ASAP1: variants seen among roughly 807,000 people sequenced by gnomAD.
The protein encoded by ASAP1 is ArfGAP with SH3 domain, ankyrin repeat and PH domain 1.
ASAP1 carries 43 observed loss-of-function variants against 145.2 expected under a neutral mutation model. The observed-to-expected ratio is 0.30, with a 90% CI of 0.23 to 0.38. The LOEUF (loss-of-function observed/expected upper bound fraction) is 0.38. Among genes scored for constraint, ASAP1 ranks in the 10% least tolerant of loss-of-function variants. The pLI, the probability that ASAP1 is intolerant of heterozygous loss-of-function variation, is 1.00. For synonymous variants in ASAP1, 546 were observed against 515.5 expected, an observed-to-expected ratio of 1.06 and a Z score of -0.80; for missense variants, 1,018 against 1,355.3, an observed-to-expected ratio of 0.75 and a Z score of 3.91.
At chr8:130,292,597 C>T (rs1055167022) in intron 3 of ASAP1, among the ~76,000 whole-genome samples, 8 of 152,198 alleles carry the variant, frequency 5.3e-5, no homozygotes, top group South Asian at 2.1e-4. Context: ...TATTGCAGAA[C>T]GCCATTCCTG....
chr8:130,258,831 T>C (rs79146269), intron 3 of ASAP1, among the ~76,000 whole-genome samples: 4,008 of 152,298 alleles, frequency 0.026, 63 homozygotes, highest in Middle Eastern at 0.044. Context: ...TACGTGGTGG[T>C]TGACTGATTT....
chr8:130,417,277 A>G (rs943314921), intron 1 of ASAP1, among the ~76,000 whole-genome samples: 4 of 152,356 alleles, frequency 2.6e-5, no homozygotes, highest in South Asian at 2.1e-4. Flanking sequence ...GCATGCACAC[A>G]TACACACATA....
At chr8:130,434,866 C>T (rs2138806189) in intron 1 of ASAP1, among the ~76,000 whole-genome samples, 1 of 152,294 alleles carries the variant, frequency 6.6e-6, no homozygotes, top group African/African-American at 2.4e-5. Context: ...TGCCCAAATA[C>T]TGACCATACA....
At chr8:130,141,644 C>T (rs1020021313) in intron 13 of ASAP1, among the ~76,000 whole-genome samples, 18 of 152,132 alleles carry the variant, frequency 1.2e-4, no homozygotes, top group African/African-American at 3.9e-4. Context: ...ACCTCCCAGG[C>T]GAAGTGATTG....
chr8:130,104,817 T>C (rs1052537212), intron 24 of ASAP1, among the ~76,000 whole-genome samples: 14 of 152,148 alleles, frequency 9.2e-5, no homozygotes, highest in African/African-American at 3.4e-4. Flanking sequence ...AAACCAAAAG[T>C]CTCTTACACT....
intron 1 of ASAP1, among the ~76,000 whole-genome samples, 171 bp downstream of exon 1, chr8:130,443,289 G>C (rs901108856): frequency 3.3e-5 from 5 of 151,784 alleles, no homozygotes; most frequent in Non-Finnish European, 5.9e-5. Flanking sequence ...CCAGCCCAGG[G>C]CCGGCGCCCT....
At chr8:130,237,709 A>G (rs993172370) in intron 3 of ASAP1, among the ~76,000 whole-genome samples, 1 of 152,040 alleles carries the variant, frequency 6.6e-6, no homozygotes. Flanking sequence ...TACAGGATAT[A>G]CCATTGTGTT....
chr8:130,342,487 G>A (rs2137931947), intron 3 of ASAP1, among the ~76,000 whole-genome samples: 1 of 152,224 alleles, frequency 6.6e-6, no homozygotes, highest in East Asian at 1.9e-4. Context: ...AATCCACAGG[G>A]AAAGATGCTC....
At chr8:130,231,104 G>A (rs563623272) in intron 4 of ASAP1, among the ~76,000 whole-genome samples, 3 of 152,206 alleles carry the variant, frequency 2.0e-5, no homozygotes, top group Admixed American at 6.5e-5. Flanking sequence ...AGATTTCCTT[G>A]TGCACTATGA....
intron 24 of ASAP1, among the ~76,000 whole-genome samples, chr8:130,110,023 T>G (rs1250020517): frequency 1.3e-5 from 2 of 152,202 alleles, no homozygotes; most frequent in Admixed American, 1.3e-4. Context: ...TGTGGCCAAG[T>G]CTCAAACACT....
chr8:130,079,788 T>C (rs1459499313), intron 26 of ASAP1, 114 bp downstream of exon 26: 7 of 1,078,524 alleles, frequency 6.5e-6, no homozygotes, highest in South Asian at 1.4e-5. Flanking sequence ...CCTGCCCCAC[T>C]TGGCTGACCA....
chr8:130,416,976 T>C (rs1445825094), intron 1 of ASAP1, among the ~76,000 whole-genome samples: 1 of 152,212 alleles, frequency 6.6e-6, no homozygotes, highest in African/African-American at 2.4e-5. Context: ...ATAAAGGCCA[T>C]AGCTCCCAGT....
intron 4 of ASAP1, among the ~76,000 whole-genome samples, chr8:130,225,964 G>C (rs564782230): frequency 2.0e-5 from 3 of 151,948 alleles, no homozygotes; most frequent in Non-Finnish European, 2.9e-5. Flanking sequence ...CTGTAGCCTC[G>C]ATCTCCTGGC....
In ASAP1 at chr8:130,291,045, T is replaced by C. The variant is rs73409327; in HGVS notation, c.187-54051A>G. On this transcript the variant is annotated intron_variant, in intron 3 of 29. Transcript: ENST00000518721. ...TTGCCAAGTTATACCATTTCAGGAA[T>C]CCAGTTATCTTGACTTTTCCCCTGA... Among the ~76,000 whole-genome samples the C allele has an allele frequency of 9.3e-3, 1,420 of 152,306 alleles. 20 individuals carry two copies. The highest frequency in any genetic ancestry group is 0.033 in the African/African-American group (1,376 of 41,562).
intron 3 of ASAP1, among the ~76,000 whole-genome samples, chr8:130,344,146 A>C (rs13258946): frequency 0.62 from 94,772 of 152,094 alleles, 30,349 homozygotes; most frequent in African/African-American, 0.76. Flanking sequence ...CTACGGGATA[A>C]ACCACCACTT....
chr8:130,240,689 A>C (rs914835850), intron 3 of ASAP1, among the ~76,000 whole-genome samples: 2 of 152,198 alleles, frequency 1.3e-5, no homozygotes, highest in African/African-American at 4.8e-5. Context: ...TTAACAAATA[A>C]ATGAATACAG....
chr8:130,255,713 T>C (rs1342123868), intron 3 of ASAP1, among the ~76,000 whole-genome samples: 1 of 152,204 alleles, frequency 6.6e-6, no homozygotes, highest in African/African-American at 2.4e-5. Flanking sequence ...CAAACACGAA[T>C]AGTATTTTTT....
At chr8:130,273,203 C>A (rs1423864299) in intron 3 of ASAP1, among the ~76,000 whole-genome samples, 1 of 152,092 alleles carries the variant, frequency 6.6e-6, no homozygotes, top group Non-Finnish European at 1.5e-5. Flanking sequence ...CCAAACAAAT[C>A]AACAGATTTT....
intron 24 of ASAP1, among the ~76,000 whole-genome samples, chr8:130,093,809 T>C (rs1164258332): frequency 6.6e-6 from 1 of 151,590 alleles, no homozygotes; most frequent in African/African-American, 2.4e-5. Flanking sequence ...GTCTAATTAC[T>C]GCTGGCCTCT....
Sources: gnomAD v4.1 joint callset for allele counts (sites outside exome capture counted in the v4.1 genomes callset) on GRCh38, gnomAD v4.1.1 for gene constraint, MANE v1.5 for transcripts, NCBI Gene and HGNC (gene_info 2026-07-23, HGNC 2026-07-21) for gene names.